Variants in MIPOL1 observed in about 807,000 individuals in gnomAD.
The protein encoded by MIPOL1 is mirror-image polydactyly 1, also known as mirror-image polydactyly gene 1 protein.
In MIPOL1, 57 loss-of-function variants were observed where a neutral mutation model predicts 60.9. The observed-to-expected ratio is 0.94, with a 90% CI of 0.76 to 1.17. The LOEUF (loss-of-function observed/expected upper bound fraction) is 1.17, where lower values mean the gene tolerates loss of function less well. Ranked by LOEUF, MIPOL1 falls within the 50% of genes most tolerant of loss-of-function variation. The probability of loss-of-function intolerance (pLI) is 0.00; values close to 1 mark genes in which losing one functional copy is unlikely to be tolerated. For synonymous variants in MIPOL1, 179 were observed against 168.8 expected (o/e 1.06, Z -0.47); for missense variants, 551 against 511.6 (o/e 1.08, Z -0.74).
intron 1 of MIPOL1, among the ~76,000 whole-genome samples, chr14:37,244,304 G>T (rs1288090932): frequency 6.6e-6 from 1 of 151,080 alleles, no homozygotes; most frequent in Non-Finnish European, 1.5e-5. Flanking sequence ...TTTATTTTTA[G>T]TAGAGACGGG....
chr14:37,278,217 G>A (rs2083822724), intron 6 of MIPOL1: 1 of 151,576 alleles, frequency 6.6e-6, no homozygotes, highest in African/African-American at 2.4e-5. Context: ...GTCGGTTTTG[G>A]TTAATTTTCT....
chr14:37,530,374 G>T (rs908089884), intron 12 of MIPOL1, among the ~76,000 whole-genome samples: 4 of 152,114 alleles, frequency 2.6e-5, no homozygotes, highest in Admixed American at 2.6e-4. Flanking sequence ...CCAGATGGCA[G>T]ATATAAAACT....
intron 1 of MIPOL1, among the ~76,000 whole-genome samples, chr14:37,213,155 C>T (rs1446256684): frequency 6.6e-6 from 1 of 152,102 alleles, no homozygotes; most frequent in Non-Finnish European, 1.5e-5. Flanking sequence ...CTTCAATGCC[C>T]AGATACCAAA....
rs564337532 is a variant in MIPOL1, at chr14:37,243,934, A to G, written c.-198-3169A>G. ...AAATAGGAGAGTCAAGTCACATTTG[A>G]GAGCATAGGGATATTTGTTTAAATT... On this transcript the variant is annotated intron_variant, in intron 1 of 12. Transcript: ENST00000684589. 2.0e-5 allele frequency among the ~76,000 whole-genome samples: 3 copies of G among 152,222 alleles called. No individual in the cohort carries two copies. The South Asian group carries it at 6.2e-4, about 32-fold the overall frequency.
At chr14:37,210,439 G>A (rs988674537) in intron 1 of MIPOL1, among the ~76,000 whole-genome samples, 2 of 152,054 alleles carry the variant, frequency 1.3e-5, no homozygotes, top group African/African-American at 2.4e-5. Context: ...ATGTTTAATC[G>A]CCCATTGGGT....
intron 11 of MIPOL1, among the ~76,000 whole-genome samples, chr14:37,443,348 A>T (rs1472301764): frequency 6.7e-6 from 1 of 150,232 alleles, no homozygotes; most frequent in African/African-American, 2.4e-5. Flanking sequence ...AGTTCCAGCT[A>T]CTGGGGAGGC....
At chr14:37,446,536 A>G (rs2094337861) in intron 11 of MIPOL1, among the ~76,000 whole-genome samples, 1 of 151,200 alleles carries the variant, frequency 6.6e-6, no homozygotes. Flanking sequence ...GGGATCTAGA[A>G]CTAGAAATAC....
At chr14:37,489,475 A>G (rs2095011905) in intron 11 of MIPOL1, among the ~76,000 whole-genome samples, 1 of 151,908 alleles carries the variant, frequency 6.6e-6, no homozygotes, top group African/African-American at 2.4e-5. Context: ...TCCTCCATCT[A>G]GTTTTATTCC....
intron 5 of MIPOL1, among the ~76,000 whole-genome samples, chr14:37,269,566 C>CT (rs2083135529): frequency 6.6e-6 from 1 of 152,100 alleles, no homozygotes; most frequent in African/African-American, 2.4e-5. Flanking sequence ...GTTTTCTGTA[C>CT]TTTCATTTAG....
At chr14:37,309,723 G>C (rs1012192599) in intron 9 of MIPOL1, among the ~76,000 whole-genome samples, 6 of 147,046 alleles carry the variant, frequency 4.1e-5, no homozygotes, top group Non-Finnish European at 7.4e-5. Context: ...GTCTTGGTCT[G>C]TCACCCAGGC....
intron 12 of MIPOL1, among the ~76,000 whole-genome samples, chr14:37,521,680 A>G (rs186417793): frequency 6.6e-6 from 1 of 152,160 alleles, no homozygotes; most frequent in African/African-American, 2.4e-5. Flanking sequence ...TTGAGTCATG[A>G]ACTATTCTGC....
intron 1 of MIPOL1, among the ~76,000 whole-genome samples, chr14:37,238,276 T>G (rs956885480): frequency 2.0e-5 from 3 of 152,192 alleles, no homozygotes; most frequent in Non-Finnish European, 4.4e-5. Flanking sequence ...TGCCTATGTA[T>G]GTATTACCCA....
intron 1 of MIPOL1, among the ~76,000 whole-genome samples, chr14:37,222,799 C>G (rs1004853847): frequency 3.3e-5 from 5 of 152,160 alleles, no homozygotes; most frequent in African/African-American, 1.2e-4. Flanking sequence ...TCAATCTAAG[C>G]TTTTTCTAGC....
At chr14:37,502,632 A>T (rs1191578543) in intron 12 of MIPOL1, 1 of 152,198 alleles carries the variant, frequency 6.6e-6, no homozygotes, top group East Asian at 1.9e-4. Context: ...AACATCAAAG[A>T]CCAAAGGTAG....
chr14:37,498,029 T>A (rs956509614), intron 11 of MIPOL1, among the ~76,000 whole-genome samples: 1 of 152,222 alleles, frequency 6.6e-6, no homozygotes, highest in African/African-American at 2.4e-5. Context: ...TTACGGCATA[T>A]GTATATAACA....
intron 9 of MIPOL1, among the ~76,000 whole-genome samples, chr14:37,311,568 C>T (rs2087325578): frequency 6.6e-6 from 1 of 152,084 alleles, no homozygotes. Context: ...TTATGTTAGT[C>T]ATTGTATACT....
chr14:37,336,046 CTT>C (rs1490432551), intron 9 of MIPOL1, among the ~76,000 whole-genome samples: 1 of 146,224 alleles, frequency 6.8e-6, no homozygotes, highest in Non-Finnish European at 1.5e-5. Flanking sequence ...ATGTTTAGGT[CTT>C]TGATCCATTT....
chr14:37,443,926 A>G (rs1026543625), intron 11 of MIPOL1, among the ~76,000 whole-genome samples: 1 of 152,152 alleles, frequency 6.6e-6, no homozygotes, highest in Non-Finnish European at 1.5e-5. Context: ...GGATGCAGAA[A>G]AAGCATGTGA....
Position 37,300,271 on chromosome 14 carries a change from C to T in MIPOL1, c.624-7785C>T, listed in dbSNP as rs562023590. ...AGCCCCACCTCCTGAGGGGAGAATA[C>T]TTACATACATTATATGTAATACTTT... On this transcript the variant is annotated intron_variant, in intron 7 of 12. Coordinates refer to ENST00000684589, the MANE Select transcript of MIPOL1 (RefSeq NM_001388067.1). 2.4e-3 allele frequency among the ~76,000 whole-genome samples: 359 copies of T among 148,056 alleles called. 1 individual carries two copies. The highest frequency in any genetic ancestry group is 8.7e-3 in the African/African-American group (350 of 40,358).
Sources: gnomAD v4.1 joint callset for allele counts (sites outside exome capture counted in the v4.1 genomes callset) on GRCh38, gnomAD v4.1.1 for gene constraint, MANE v1.5 for transcripts, NCBI Gene and HGNC (gene_info 2026-07-23, HGNC 2026-07-21) for gene names.